Variants in CDC73 observed in about 807,000 individuals in gnomAD.
The protein encoded by CDC73 is parafibromin.
Under a neutral mutation model 83.7 loss-of-function variants are expected in CDC73, and 21 were observed. That is an observed-to-expected ratio of 0.25 (90% CI 0.18 to 0.36). CDC73 has a LOEUF of 0.36. Ranked by LOEUF, CDC73 falls within the 10% of genes least tolerant of loss-of-function variation. The pLI, the probability that CDC73 is intolerant of heterozygous loss-of-function variation, is 1.00. For synonymous variants in CDC73, 224 were observed against 212.9 expected, an observed-to-expected ratio of 1.05 and a Z score of -0.45; for missense variants, 342 against 653.3, an observed-to-expected ratio of 0.52 and a Z score of 5.19.
chr1:193,229,486 G>C (rs920315569), intron 13 of CDC73, among the ~76,000 whole-genome samples: 2 of 152,190 alleles, frequency 1.3e-5, no homozygotes, highest in Non-Finnish European at 2.9e-5. Context: ...TGTGATAGGA[G>C]GACGCAGCAA....
chr1:193,230,457 ATTTTTTT>A lies in CDC73; in HGVS notation c.1155-2514_1155-2508del, dbSNP rs752027731. Reference sequence around the variant, plus strand: ...CCACTGCACCTCGCCCTAATCCCGTATTTTTTTTTTTTTTTTTTTTTTTTTTTTGCAA... The same window carrying A: ...CCACTGCACCTCGCCCTAATCCCGTATTTTTTTTTTTTTTTTTTTTTGCAA... On this transcript the variant is annotated intron_variant, in intron 13 of 16. Coordinates refer to ENST00000367435, the MANE Select transcript of CDC73 (RefSeq NM_024529.5). 7.3e-3 allele frequency among the ~76,000 whole-genome samples: 666 copies of A among 90,732 alleles called. 3 individuals are homozygous for A. The highest frequency in any genetic ancestry group is 0.018 in the African/African-American group (365 of 20,366). The allele number at this position is 90,732 out of a possible 152,430, so 59.5% of individuals were successfully genotyped here.
chr1:193,135,401 A>C lies in CDC73; in HGVS notation c.318A>C (p.Ala106=), dbSNP rs1415842827. 1.9e-6 allele frequency: 3 copies of C among 1,613,040 alleles called. No individual in the cohort carries two copies. The highest frequency in any genetic ancestry group is 1.1e-5 in the South Asian group (1 of 91,060). ...TTTTTATGTCTTCAGCAACATCGGC[A>C]AGTATAGACAGAAGCGCTCCCTTAG... is the stretch of plus-strand genomic sequence containing the variant. The part of the protein sequence containing the change: ...GYLNGEASTS[A]SIDRSAPLEI... The change falls in exon 4 of 17, where the codon GCA becomes GCC. Residue 106 remains alanine, a synonymous_variant. Transcript: ENST00000367435.
At chr1:193,153,582 A>G (rs1405153150) in intron 10 of CDC73, among the ~76,000 whole-genome samples, 1 of 152,068 alleles carries the variant, frequency 6.6e-6, no homozygotes, top group Non-Finnish European at 1.5e-5. Context: ...TGTTTTACTC[A>G]CTCATTTCCA....
intron 15 of CDC73, among the ~76,000 whole-genome samples, chr1:193,244,699 C>T (rs1324034050): frequency 6.6e-6 from 1 of 152,190 alleles, no homozygotes; most frequent in Non-Finnish European, 1.5e-5. Context: ...ATCTTCCTCT[C>T]CCAAATCTTT....
At chr1:193,216,064 AAC>A (rs1677361659) in intron 13 of CDC73, among the ~76,000 whole-genome samples, 1 of 152,194 alleles carries the variant, frequency 6.6e-6, no homozygotes, top group Admixed American at 6.5e-5. Context: ...AACAAGAGCA[AAC>A]CAGTCCCAAA....
chr1:193,158,778 T>G (rs1234419886), intron 10 of CDC73, among the ~76,000 whole-genome samples: 2 of 152,138 alleles, frequency 1.3e-5, no homozygotes, highest in African/African-American at 4.8e-5. Context: ...TGAAACACTA[T>G]TTTTTATATA....
chr1:193,138,214 T>C (rs1482110603), intron 6 of CDC73, 41 bp downstream of exon 6: 2 of 1,239,250 alleles, frequency 1.6e-6, no homozygotes, highest in Admixed American at 1.7e-5. Context: ...AGTTTAGATA[T>C]ATGTAAAAGT....
At chr1:193,203,527 C>A (rs993209445) in intron 10 of CDC73, among the ~76,000 whole-genome samples, 5 of 152,100 alleles carry the variant, frequency 3.3e-5, no homozygotes, top group African/African-American at 1.2e-4. Flanking sequence ...ATATTACATG[C>A]TTACAGTAAC....
intron 15 of CDC73, among the ~76,000 whole-genome samples, chr1:193,241,599 G>A (rs957196576): frequency 6.6e-6 from 1 of 152,222 alleles, no homozygotes; most frequent in Admixed American, 6.5e-5. Context: ...TACCAATTGT[G>A]GCTTTGATGG....
chr1:193,141,287 T>A (rs887747951), intron 6 of CDC73: 1 of 152,464 alleles, frequency 6.6e-6, no homozygotes, highest in African/African-American at 2.4e-5. Flanking sequence ...TTTTGCCTAT[T>A]TGAAAATCAA....
intron 3 of CDC73, among the ~76,000 whole-genome samples, chr1:193,131,401 G>A (rs141133341): frequency 0.012 from 1,864 of 152,160 alleles, 19 homozygotes; most frequent in South Asian, 0.034. Flanking sequence ...CATTCTACCT[G>A]CCCTATTTCA....
intron 10 of CDC73, among the ~76,000 whole-genome samples, chr1:193,174,964 A>G (rs1043557925): frequency 1.3e-5 from 2 of 152,214 alleles, no homozygotes; most frequent in Non-Finnish European, 2.9e-5. Context: ...GTAATTCACT[A>G]TTCCTTATCC....
intron 10 of CDC73, among the ~76,000 whole-genome samples, chr1:193,166,890 C>G (rs982558335): frequency 2.6e-5 from 4 of 152,038 alleles, no homozygotes; most frequent in Admixed American, 2.6e-4. Flanking sequence ...AAGTACAATG[C>G]ATGATAATAA....
At chr1:193,218,097 A>G (rs543169390) in intron 13 of CDC73, among the ~76,000 whole-genome samples, 2 of 152,332 alleles carry the variant, frequency 1.3e-5, no homozygotes, top group African/African-American at 2.4e-5. Flanking sequence ...TAGAATTTCT[A>G]TACACTAGTA....
At chr1:193,247,520 A>C (rs528671806) in intron 15 of CDC73, among the ~76,000 whole-genome samples, 1 of 152,122 alleles carries the variant, frequency 6.6e-6, no homozygotes, top group Non-Finnish European at 1.5e-5. Context: ...TTTTAAACCA[A>C]AAGTTAGACA....
intron 10 of CDC73, among the ~76,000 whole-genome samples, chr1:193,203,184 C>G (rs1324284713): frequency 2.6e-5 from 4 of 152,066 alleles, no homozygotes; most frequent in African/African-American, 7.2e-5. Flanking sequence ...TCAACACTTA[C>G]CATATTTCCA....
chr1:193,227,581 T>A (rs1236470830), intron 13 of CDC73, among the ~76,000 whole-genome samples: 1 of 152,212 alleles, frequency 6.6e-6, no homozygotes, highest in African/African-American at 2.4e-5. Flanking sequence ...ACTGTAAAAT[T>A]GTAGAAAATT....
chr1:193,197,780 G>T (rs778806291), intron 10 of CDC73, among the ~76,000 whole-genome samples: 1 of 151,888 alleles, frequency 6.6e-6, no homozygotes, highest in Non-Finnish European at 1.5e-5. Context: ...AGAAAAATTA[G>T]CCAGGTTTGA....
rs1677142030 is a variant in CDC73, at chr1:193,204,216, T to TATATATACAC, written c.1030+364_1030+365insATATATACAC. Among the ~76,000 whole-genome samples, 15 of 12,380 alleles carry TATATATACAC rather than the reference T, an allele frequency of 1.2e-3. No homozygotes were observed. The South Asian group carries it at 0.048, about 40-fold the overall frequency. The allele number at this position is 12,380 out of a possible 152,430, so 8.1% of individuals were successfully genotyped here. On this transcript the variant is annotated intron_variant, in intron 11 of 16. Transcript: ENST00000367435. ...ACACATATATATACGTGTATATATA[T>TATATATACAC]GTATATATATGTATATATACACGTA...
Sources: allele counts gnomAD v4.1 joint callset (sites outside exome capture counted in the v4.1 genomes callset), GRCh38; gene constraint gnomAD v4.1.1; transcripts MANE v1.5; gene names NCBI Gene and HGNC (gene_info 2026-07-23, HGNC 2026-07-21).